Variants in DLGAP1 observed in about 807,000 individuals in gnomAD.
DLGAP1 encodes disks large-associated protein 1.
A neutral mutation model predicts 90.8 loss-of-function variants in DLGAP1; 11 were observed. The ratio of observed to expected loss-of-function variants is 0.12; its 90% confidence interval spans 0.08 to 0.20. The LOEUF (loss-of-function observed/expected upper bound fraction) is 0.20, where lower values mean the gene tolerates loss of function less well. DLGAP1 is among the 10% of genes least tolerant of loss of function. The pLI is 1.00. For missense variants in DLGAP1, 1,050 were observed against 1,333.8 expected (o/e 0.79, Z 3.31); for synonymous variants, 558 against 540.7 (o/e 1.03, Z -0.44).
chr18:4,173,967 T>C (rs2077064241), intron 1 of DLGAP1, among the ~76,000 whole-genome samples: 1 of 152,190 alleles, frequency 6.6e-6, no homozygotes, highest in Non-Finnish European at 1.5e-5. Flanking sequence ...ACTATTTACA[T>C]AAGTTCCACC....
rs138273061 is a variant in DLGAP1 at position 3,830,385 on chromosome 18, G to A, written c.958-16112C>T. Among the ~76,000 whole-genome samples the A allele has an allele frequency of 6.6e-5, 10 of 152,244 alleles. No individual in the cohort carries two copies. In the East Asian group the frequency reaches 1.9e-3, roughly 29 times the overall value. ...TCAAGACCAGCCTGGCTAACATGGT[G>A]AAACCCCATCTCTATTAAAGATACA... On this transcript the variant is annotated intron_variant, in intron 4 of 12. Coordinates refer to ENST00000315677, the MANE Select transcript of DLGAP1 (RefSeq NM_004746.4).
intron 2 of DLGAP1, among the ~76,000 whole-genome samples, chr18:4,010,779 C>A (rs1192742031): frequency 6.6e-6 from 1 of 151,968 alleles, no homozygotes; most frequent in African/African-American, 2.4e-5. Context: ...TTTTTCCTGT[C>A]CCTTATTCTC....
At chr18:4,099,606 G>A (rs780808187) in intron 2 of DLGAP1, among the ~76,000 whole-genome samples, 16 of 152,070 alleles carry the variant, frequency 1.1e-4, no homozygotes, top group Non-Finnish European at 2.1e-4. Flanking sequence ...ATCTTTTTGC[G>A]GTGAAGGGTT....
At chr18:3,599,566 C>T (rs898194340) in intron 7 of DLGAP1, among the ~76,000 whole-genome samples, 1 of 152,122 alleles carries the variant, frequency 6.6e-6, no homozygotes, top group Non-Finnish European at 1.5e-5. Context: ...TGGTGACAGG[C>T]GTGCAAGGTT....
chr18:4,261,447 C>T (rs1283945044), intron 1 of DLGAP1, among the ~76,000 whole-genome samples: 9 of 152,162 alleles, frequency 5.9e-5, no homozygotes, highest in African/African-American at 2.2e-4. Flanking sequence ...TATTTTGCTA[C>T]TATTCTTCCC....
At chr18:3,611,533 C>T (rs535586464) in intron 7 of DLGAP1, among the ~76,000 whole-genome samples, 3 of 152,176 alleles carry the variant, frequency 2.0e-5, no homozygotes, top group African/African-American at 7.2e-5. Flanking sequence ...CCCACGAAGT[C>T]TTTCCAAAGC....
intron 4 of DLGAP1, among the ~76,000 whole-genome samples, chr18:3,855,102 G>A (rs975823428): frequency 2.6e-5 from 4 of 152,224 alleles, no homozygotes; most frequent in South Asian, 2.1e-4. Context: ...GGAATACTAC[G>A]CAGCCATAAA....
In DLGAP1 at chr18:3,523,675, G is replaced by A. The variant is rs369600842; in HGVS notation, c.2479+10519C>T. 1.5e-3 allele frequency among the ~76,000 whole-genome samples: 235 copies of A among 151,848 alleles called. 2 individuals carry two copies. The highest frequency in any genetic ancestry group is 6.8e-3 in the Middle Eastern group (2 of 292). Reference sequence around the variant, plus strand: ...ATCCTGGCTAACACGGTGAAACCCCGTCTCTACTAAAAATACAAAAAATTA... The same window carrying A: ...ATCCTGGCTAACACGGTGAAACCCCATCTCTACTAAAAATACAAAAAATTA... On this transcript the variant is annotated intron_variant, in intron 10 of 12. Transcript: ENST00000315677.
chr18:4,372,234 A>G (rs925563562), intron 1 of DLGAP1, among the ~76,000 whole-genome samples: 5 of 152,236 alleles, frequency 3.3e-5, no homozygotes, highest in African/African-American at 4.8e-5. Context: ...CCTAAATATT[A>G]ATGTGAACAT....
At chr18:3,789,742 C>G (rs544508675) in intron 5 of DLGAP1, among the ~76,000 whole-genome samples, 1 of 152,098 alleles carries the variant, frequency 6.6e-6, no homozygotes, top group Non-Finnish European at 1.5e-5. Context: ...AGAAATATCC[C>G]TCGGCTGTGG....
rs771931512 is a variant in DLGAP1 at position 3,534,473 on chromosome 18, C to T, written c.2200G>A (p.Ala734Thr). Residue 734 changes from alanine to threonine, a missense_variant, in exon 10 of 13, where the codon GCC (alanine) becomes ACC (threonine). Coordinates refer to ENST00000315677, the MANE Select transcript of DLGAP1 (RefSeq NM_004746.4). Reference sequence around the variant, plus strand: ...TGAATGCTGACTGTGGAGGTGCTGGCATCGCGGGAGAACTGTCTGGCCATG... The same window carrying T: ...TGAATGCTGACTGTGGAGGTGCTGGTATCGCGGGAGAACTGTCTGGCCATG... ...GPMARQFSRD[A>T]STSTVSIQGS... The T allele has an allele frequency of 2.5e-6, 4 of 1,614,108 alleles. No homozygotes were observed. In the South Asian group the frequency reaches 3.3e-5, roughly 13 times the overall value.
intron 5 of DLGAP1, among the ~76,000 whole-genome samples, chr18:3,762,036 G>A (rs2147918984): frequency 6.6e-6 from 1 of 152,284 alleles, no homozygotes; most frequent in Middle Eastern, 3.4e-3. Flanking sequence ...CCCTGAGGAG[G>A]CACTTTGTTG....
At chr18:3,652,263 C>T (rs900075563) in intron 7 of DLGAP1, among the ~76,000 whole-genome samples, 1 of 151,686 alleles carries the variant, frequency 6.6e-6, no homozygotes, top group Non-Finnish European at 1.5e-5. Context: ...ATTTTTAATA[C>T]ATTAAATCCC....
chr18:4,213,667 T>A (rs898527935), intron 1 of DLGAP1, among the ~76,000 whole-genome samples: 3 of 152,142 alleles, frequency 2.0e-5, no homozygotes, highest in African/African-American at 4.8e-5. Flanking sequence ...GTGGAGGCTA[T>A]AGAGATATAT....
intron 2 of DLGAP1, among the ~76,000 whole-genome samples, chr18:4,055,933 G>A (rs1020270006): frequency 1.3e-5 from 2 of 152,262 alleles, no homozygotes; most frequent in Middle Eastern, 3.4e-3. Flanking sequence ...CTGTTGCCAC[G>A]GCTGATTCTC....
chr18:3,904,584 G>A (rs1419454984), intron 3 of DLGAP1, among the ~76,000 whole-genome samples: 2 of 152,150 alleles, frequency 1.3e-5, no homozygotes, highest in East Asian at 1.9e-4. Flanking sequence ...CATTTGGTGG[G>A]TTTTTAGTGA....
At chr18:3,620,639 C>T (rs915800882) in intron 7 of DLGAP1, among the ~76,000 whole-genome samples, 8 of 152,090 alleles carry the variant, frequency 5.3e-5, no homozygotes, top group Admixed American at 5.2e-4. Context: ...CTCACTGCAA[C>T]CTCTGCCTCC....
In DLGAP1 at chr18:4,039,230, T is replaced by C. The variant is rs142256288; in HGVS notation, c.-158-34029A>G. 3.9e-3 allele frequency among the ~76,000 whole-genome samples: 599 copies of C among 152,332 alleles called. 18 individuals carry two copies. Among genetic ancestry groups the C allele is most frequent in the Admixed American group, 0.035 (534 of 15,292 alleles). On this transcript the variant is annotated intron_variant, in intron 2 of 12. Transcript: ENST00000315677. ...GTCCTTGAGGGTGGAGACGATAGTT[T>C]ACTTATTTATAGTTATTCCCTCTCT...
chr18:4,232,142 T>C (rs2078312454), intron 1 of DLGAP1, among the ~76,000 whole-genome samples: 2 of 152,138 alleles, frequency 1.3e-5, no homozygotes, highest in Admixed American at 6.6e-5. Context: ...GAGAAAACAA[T>C]GAGCATAAAA....
Sources: gnomAD v4.1 joint callset for allele counts (sites outside exome capture counted in the v4.1 genomes callset) on GRCh38, gnomAD v4.1.1 for gene constraint, MANE v1.5 for transcripts, NCBI Gene and HGNC (gene_info 2026-07-23, HGNC 2026-07-21) for gene names.